The following DPP10 variants were observed in gnomAD, a reference collection of about 807,000 sequenced individuals.
DPP10 encodes the protein dipeptidyl peptidase like 10, also known as inactive dipeptidyl peptidase 10.
In DPP10, 33 loss-of-function variants were observed where a neutral mutation model predicts 120.9. The ratio of observed to expected loss-of-function variants is 0.27; its 90% confidence interval spans 0.21 to 0.37. The LOEUF (loss-of-function observed/expected upper bound fraction) is 0.37, where lower values mean the gene tolerates loss of function less well. Among genes scored for constraint, DPP10 ranks in the 10% least tolerant of loss-of-function variants. The pLI, the probability that DPP10 is intolerant of heterozygous loss-of-function variation, is 1.00. For synonymous variants in DPP10, 337 were observed against 326.1 expected, an observed-to-expected ratio of 1.03 and a Z score of -0.36; for missense variants, 816 against 942.8, an observed-to-expected ratio of 0.87 and a Z score of 1.76.
rs188464258 is a variant in DPP10, at chr2:114,549,504, T to C, written c.60+106666T>C. On this transcript the variant is annotated intron_variant, in intron 1 of 25. Coordinates refer to ENST00000410059, the MANE Select transcript of DPP10 (RefSeq NM_020868.6). ...TGGGAAACCCTGTCTCTACTAAAAA[T>C]ACAAAAATTATCTGGGCATAGTGGT... 2.0e-5 allele frequency among the ~76,000 whole-genome samples: 3 copies of C among 151,504 alleles called. No homozygotes were observed. In the East Asian group the frequency reaches 5.9e-4, roughly 30 times the overall value.
intron 1 of DPP10, among the ~76,000 whole-genome samples, chr2:114,957,034 G>C (rs141038106): frequency 1.4e-5 from 2 of 147,422 alleles, no homozygotes; most frequent in Non-Finnish European, 3.0e-5. Context: ...CTGAGCAAAG[G>C]TTTCTTGGAT....
intron 1 of DPP10, among the ~76,000 whole-genome samples, chr2:114,600,553 G>A (rs767713584): frequency 1.3e-5 from 2 of 151,454 alleles, no homozygotes; most frequent in Non-Finnish European, 3.0e-5. Context: ...TTTTCTCTTG[G>A]TTATGAAAGA....
chr2:115,371,735 ATAAC>A (rs2065424084), intron 3 of DPP10, among the ~76,000 whole-genome samples: 1 of 152,176 alleles, frequency 6.6e-6, no homozygotes, highest in Non-Finnish European at 1.5e-5. Context: ...ATTTTTATAA[ATAAC>A]ATTTGAAAAA....
chr2:114,939,252 G>A (rs1057179916), intron 1 of DPP10, among the ~76,000 whole-genome samples: 2 of 152,054 alleles, frequency 1.3e-5, no homozygotes, highest in Admixed American at 1.3e-4. Context: ...TGAGGAGGAG[G>A]AGGAAGAGCA....
intron 1 of DPP10, among the ~76,000 whole-genome samples, chr2:115,183,650 T>C (rs779975123): frequency 5.9e-5 from 9 of 152,204 alleles, no homozygotes; most frequent in Non-Finnish European, 1.3e-4. Flanking sequence ...TATAATATCT[T>C]CCAGTCTGTG....
At chr2:115,676,301 A>G (rs1029566420) in intron 5 of DPP10, among the ~76,000 whole-genome samples, 4 of 152,188 alleles carry the variant, frequency 2.6e-5, no homozygotes, top group Admixed American at 6.5e-5. Flanking sequence ...TATAGAGACT[A>G]TATTACTGTG....
chr2:115,626,930 T>C, intron 5 of DPP10, among the ~76,000 whole-genome samples: 1 of 152,114 alleles, frequency 6.6e-6, no homozygotes, highest in Non-Finnish European at 1.5e-5. Context: ...ACTGGGAAAC[T>C]TAAATGGCTG....
intron 1 of DPP10, among the ~76,000 whole-genome samples, chr2:114,780,821 G>A (rs1036875584): frequency 6.6e-6 from 1 of 152,062 alleles, no homozygotes; most frequent in Admixed American, 6.6e-5. Flanking sequence ...TTAGTATCAT[G>A]AATGAAAATG....
Position 115,712,545 on chromosome 2 carries a change from TA to T in DPP10, c.577-15270del, listed in dbSNP as rs1559062129. ...TAGCTTTGAAGAGTCCTGAATTAAA[TA>T]TATATATATATATATATATAAAGAA... On this transcript the variant is annotated intron_variant, in intron 7 of 25. Coordinates refer to ENST00000410059, the MANE Select transcript of DPP10 (RefSeq NM_020868.6). Among the ~76,000 whole-genome samples the T allele has an allele frequency of 1.5e-4, 14 of 92,972 alleles. 2 individuals carry two copies. Among genetic ancestry groups the T allele is most frequent in the African/African-American group, 3.4e-4 (9 of 26,180 alleles). The allele number at this position is 92,972 out of a possible 152,430, so 61.0% of individuals were successfully genotyped here.
At chr2:115,252,065 C>T (rs1216733010) in intron 1 of DPP10, among the ~76,000 whole-genome samples, 1 of 152,166 alleles carries the variant, frequency 6.6e-6, no homozygotes, top group Non-Finnish European at 1.5e-5. Context: ...AAGCAGATTC[C>T]AAGAGGACCT....
chr2:114,619,457 A>G (rs1176030617), intron 1 of DPP10, among the ~76,000 whole-genome samples: 7 of 151,530 alleles, frequency 4.6e-5, no homozygotes, highest in African/African-American at 1.7e-4. Context: ...CAAACATCAG[A>G]ATGTCTTCAA....
chr2:114,767,379 T>C lies in DPP10; in HGVS notation c.60+324541T>C, dbSNP rs988730032. Among the ~76,000 whole-genome samples the C allele has an allele frequency of 2.7e-5, 4 of 150,454 alleles. No individual in the cohort carries two copies. The South Asian group carries it at 6.3e-4, about 24-fold the overall frequency. On this transcript the variant is annotated intron_variant, in intron 1 of 25. Coordinates refer to ENST00000410059, the MANE Select transcript of DPP10 (RefSeq NM_020868.6). ...AATGATAGAATAAAAAGGTCTAACATAGACCTAATTGATGAATGGAGGAGA... is the reference window on the plus strand; with the variant it reads ...AATGATAGAATAAAAAGGTCTAACACAGACCTAATTGATGAATGGAGGAGA...
chr2:115,532,696 C>A (rs1203597977), intron 5 of DPP10, among the ~76,000 whole-genome samples: 1 of 151,750 alleles, frequency 6.6e-6, no homozygotes, highest in Non-Finnish European at 1.5e-5. Flanking sequence ...TAAAACCATA[C>A]TTTTAAAGAA....
chr2:115,195,780 A>G lies in DPP10; in HGVS notation c.61-113459A>G, dbSNP rs111874204. Among the ~76,000 whole-genome samples the G allele has an allele frequency of 5.0e-3, 767 of 152,272 alleles. 5 individuals are homozygous for G. Among genetic ancestry groups the G allele is most frequent in the African/African-American group, 0.017 (703 of 41,554 alleles). On this transcript the variant is annotated intron_variant, in intron 1 of 25. Coordinates refer to ENST00000410059, the MANE Select transcript of DPP10 (RefSeq NM_020868.6). The stretch of plus-strand genomic sequence containing the variant: ...TATGCGCTTCCTTCCCTCAATGGCC[A>G]TGGCATTGTATTTCGGGACACTCTT...
chr2:115,736,443 C>T (rs1243138443), intron 8 of DPP10, among the ~76,000 whole-genome samples: 1 of 152,112 alleles, frequency 6.6e-6, no homozygotes, highest in East Asian at 1.9e-4. Flanking sequence ...CCACTGAGCC[C>T]ATGGTGCTTT....
At chr2:114,569,341 C>T (rs375606693) in intron 1 of DPP10, among the ~76,000 whole-genome samples, 3 of 152,142 alleles carry the variant, frequency 2.0e-5, no homozygotes, top group African/African-American at 4.8e-5. Flanking sequence ...AGTCATTCCC[C>T]GAGGGAAATC....
intron 21 of DPP10, among the ~76,000 whole-genome samples, chr2:115,830,907 G>GT (rs1179465868): frequency 6.6e-6 from 1 of 152,078 alleles, no homozygotes; most frequent in East Asian, 1.9e-4. Flanking sequence ...GTAAAGTTTT[G>GT]TATCTTTTCA....
chr2:115,538,206 A>G (rs139561569), intron 5 of DPP10, among the ~76,000 whole-genome samples: 3 of 152,124 alleles, frequency 2.0e-5, no homozygotes, highest in African/African-American at 7.2e-5. Context: ...AGTAAATTGC[A>G]TGAAGACTTG....
chr2:114,995,528 T>A (rs1210996925), intron 1 of DPP10, among the ~76,000 whole-genome samples: 1 of 152,170 alleles, frequency 6.6e-6, no homozygotes, highest in Non-Finnish European at 1.5e-5. Context: ...CTGCATAACC[T>A]CTTTAGAGTA....
Sources: allele counts gnomAD v4.1 joint callset (sites outside exome capture counted in the v4.1 genomes callset), GRCh38; gene constraint gnomAD v4.1.1; transcripts MANE v1.5; gene names NCBI Gene and HGNC (gene_info 2026-07-23, HGNC 2026-07-21).